NTM: variants seen among roughly 807,000 people sequenced by gnomAD.
NTM encodes neurotrimin, also known as IgLON family member 2.
In NTM, 13 loss-of-function variants were observed where a neutral mutation model predicts 42.1. That is an observed-to-expected ratio of 0.31 (90% CI 0.20 to 0.49). NTM has a LOEUF of 0.49. NTM is among the 20% of genes least tolerant of loss of function. The pLI is 0.99. For missense variants in NTM, 373 were observed against 452.8 expected, an observed-to-expected ratio of 0.82 and a Z score of 1.60; for synonymous variants, 187 against 179.2, an observed-to-expected ratio of 1.04 and a Z score of -0.35.
intron 4 of NTM, among the ~76,000 whole-genome samples, chr11:132,214,231 C>T (rs1430637988): frequency 6.6e-6 from 1 of 152,172 alleles, no homozygotes; most frequent in Admixed American, 6.5e-5. Flanking sequence ...CAGACAGGTG[C>T]ATGCTAAGTC....
intron 1 of NTM, among the ~76,000 whole-genome samples, chr11:131,820,592 C>T (rs1426821222): frequency 6.6e-6 from 1 of 152,152 alleles, no homozygotes; most frequent in Non-Finnish European, 1.5e-5. Flanking sequence ...CTGATCTGCT[C>T]TCCCTCTCTC....
At chr11:131,582,923 T>C (rs1484305274) in intron 1 of NTM, among the ~76,000 whole-genome samples, 1 of 152,196 alleles carries the variant, frequency 6.6e-6, no homozygotes, top group Non-Finnish European at 1.5e-5. Context: ...AGCCTGTGGC[T>C]TCATGGCCTG....
At chr11:131,779,072 G>A (rs1016752889) in intron 1 of NTM, among the ~76,000 whole-genome samples, 2 of 152,212 alleles carry the variant, frequency 1.3e-5, no homozygotes, top group Non-Finnish European at 2.9e-5. Context: ...TGGGGGCTAC[G>A]TGGCCAACAA....
At position 132,325,950 on chromosome 11, in the gene NTM, A is replaced by G. The variant is rs1271399024; in HGVS notation, c.935-4203A>G. 2.7e-5 allele frequency among the ~76,000 whole-genome samples: 4 copies of G among 148,016 alleles called. No individual in the cohort carries two copies. In the East Asian group the frequency reaches 8.5e-4, roughly 31 times the overall value. On this transcript the variant is annotated intron_variant, in intron 7 of 8. Coordinates refer to ENST00000683400, the MANE Select transcript of NTM (RefSeq NM_001352005.2). ...CCAAACACCGCGTGTTCTCACTCATAGGTGGGAATTGAACAATGAGAACAC... is the reference window on the plus strand; with the variant it reads ...CCAAACACCGCGTGTTCTCACTCATGGGTGGGAATTGAACAATGAGAACAC...
At chr11:131,497,434 G>A (rs1243039488) in intron 1 of NTM, among the ~76,000 whole-genome samples, 1 of 152,012 alleles carries the variant, frequency 6.6e-6, no homozygotes, top group African/African-American at 2.4e-5. Context: ...TGATCTGCCC[G>A]CCTTGGCCTT....
At chr11:131,383,502 C>G (rs2135536787) in intron 1 of NTM, among the ~76,000 whole-genome samples, 1 of 152,176 alleles carries the variant, frequency 6.6e-6, no homozygotes, top group Admixed American at 6.5e-5. Context: ...ATGAGTGTTA[C>G]AAGTGGAAGA....
At chr11:131,552,571 T>C (rs971497989) in intron 1 of NTM, among the ~76,000 whole-genome samples, 2 of 148,078 alleles carry the variant, frequency 1.4e-5, no homozygotes, top group Non-Finnish European at 3.0e-5. Context: ...ATCCCAGCAC[T>C]TTGGGAGGCT....
intron 2 of NTM, among the ~76,000 whole-genome samples, chr11:131,965,081 G>T (rs1405404367): frequency 1.3e-5 from 2 of 152,124 alleles, no homozygotes; most frequent in Non-Finnish European, 2.9e-5. Flanking sequence ...TGGGGAAAGG[G>T]GTGGAAATAG....
At chr11:132,164,581 C>T (rs566120438) in intron 3 of NTM, among the ~76,000 whole-genome samples, 7 of 152,060 alleles carry the variant, frequency 4.6e-5, no homozygotes, top group South Asian at 2.1e-4. Context: ...ACCTCGGTGA[C>T]GATGGCTGAT....
rs548240440 is a variant in NTM, at chr11:132,271,195, G to A, written c.527-36494G>A. Among the ~76,000 whole-genome samples, 29 of 152,236 alleles carry A rather than the reference G, an allele frequency of 1.9e-4. No homozygotes were observed. In the Middle Eastern group the frequency reaches 0.01, roughly 54 times the overall value. On this transcript the variant is annotated intron_variant, in intron 4 of 8. Coordinates refer to ENST00000683400, the MANE Select transcript of NTM (RefSeq NM_001352005.2). ...CACTGCTTTGTTGACTTAGCATAAT[G>A]TTCTTAAGGTCCATCCATATTGTAG...
At chr11:131,459,511 A>C (rs1951189442) in intron 1 of NTM, among the ~76,000 whole-genome samples, 1 of 152,224 alleles carries the variant, frequency 6.6e-6, no homozygotes, top group South Asian at 2.1e-4. Flanking sequence ...ATAGAAAAAA[A>C]AGAATTAATA....
chr11:131,564,155 T>C (rs769874262), intron 1 of NTM, among the ~76,000 whole-genome samples: 1 of 152,274 alleles, frequency 6.6e-6, no homozygotes. Flanking sequence ...AATTAGTCAG[T>C]ATCTACTCCA....
intron 1 of NTM, among the ~76,000 whole-genome samples, chr11:131,746,155 C>G (rs1020454830): frequency 1.3e-5 from 2 of 151,992 alleles, no homozygotes; most frequent in Non-Finnish European, 2.9e-5. Flanking sequence ...TCAGAAGGAC[C>G]GTGAAGGTAG....
chr11:131,875,760 T>A (rs1333422674), intron 1 of NTM, among the ~76,000 whole-genome samples: 1 of 152,194 alleles, frequency 6.6e-6, no homozygotes, highest in Non-Finnish European at 1.5e-5. Context: ...TCATGGACAC[T>A]GTCCTGGAGC....
At chr11:132,257,999 G>T (rs1384433342) in intron 4 of NTM, among the ~76,000 whole-genome samples, 1 of 152,198 alleles carries the variant, frequency 6.6e-6, no homozygotes, top group Admixed American at 6.5e-5. Context: ...AGACACATTT[G>T]TACTTTGTGA....
At chr11:131,613,416 G>T (rs745584641) in intron 1 of NTM, among the ~76,000 whole-genome samples, 1 of 152,090 alleles carries the variant, frequency 6.6e-6, no homozygotes, top group African/African-American at 2.4e-5. Flanking sequence ...TCTTCCAGCT[G>T]GTGCAATGAG....
chr11:132,336,330 G>A lies in NTM; in HGVS notation c.*1184G>A, dbSNP rs1373575203. On this transcript the variant is annotated 3_prime_UTR_variant, in exon 9 of 9. Transcript: ENST00000683400. ...ACTGGTAATTGTGTAATCAGCTCCT[G>A]CCTTTTTATTTTCTTGGGTTATTTA... 1 of 151,848 alleles carries A rather than the reference G, an allele frequency of 6.6e-6. No homozygotes were observed. The highest frequency in any genetic ancestry group is 2.4e-5 in the African/African-American group (1 of 41,198). 9.4% of individuals were successfully genotyped at this position (151,848 alleles called of 1,614,324 possible).
At chr11:131,789,193 T>G (rs1241968682) in intron 1 of NTM, among the ~76,000 whole-genome samples, 4 of 151,958 alleles carry the variant, frequency 2.6e-5, no homozygotes, top group African/African-American at 9.7e-5. Flanking sequence ...ATGATTCTAT[T>G]TCTTTTTCCT....
chr11:131,730,917 AC>A (rs1244695592), intron 1 of NTM, among the ~76,000 whole-genome samples: 1 of 152,178 alleles, frequency 6.6e-6, no homozygotes, highest in African/African-American at 2.4e-5. Context: ...CAGGAGCCAG[AC>A]AGTAAGATCT....
Sources: allele counts gnomAD v4.1 joint callset (sites outside exome capture counted in the v4.1 genomes callset), GRCh38; gene constraint gnomAD v4.1.1; transcripts MANE v1.5; gene names NCBI Gene and HGNC (gene_info 2026-07-23, HGNC 2026-07-21).